Variants in TAFA4 observed in about 807,000 individuals in gnomAD.
The protein encoded by TAFA4 is TAFA chemokine like family member 4, also known as chemokine-like protein TAFA-4.
A neutral mutation model predicts 21.1 loss-of-function variants in TAFA4; 20 were observed. The ratio of observed to expected loss-of-function variants is 0.95; its 90% CI spans 0.67 to 1.38. TAFA4 has a LOEUF of 1.38. Ranked by LOEUF, TAFA4 falls within the 40% of genes most tolerant of loss-of-function variation. The pLI, the probability that TAFA4 is intolerant of heterozygous loss-of-function variation, is 0.00. For synonymous variants in TAFA4, 71 were observed against 67.4 expected, an observed-to-expected ratio of 1.05 and a Z score of -0.26; for missense variants, 211 against 180.9, an observed-to-expected ratio of 1.17 and a Z score of -0.95.
In TAFA4 at chr3:68,782,833, G is replaced by A. The variant is rs573130258; in HGVS notation, c.131-29815C>T. On this transcript the variant is annotated intron_variant, in intron 3 of 5. Transcript: ENST00000295569. ...CTGGAACTAGACAGTCATGATGGTT[G>A]TACAACATTGTGAATGTACTAAGTA... Among the ~76,000 whole-genome samples, 10 of 152,246 alleles carry A rather than the reference G, an allele frequency of 6.6e-5. No individual in the cohort carries two copies. The South Asian group carries it at 1.7e-3, about 25-fold the overall frequency.
At chr3:68,904,283 G>T (rs1387000859) in intron 1 of TAFA4, among the ~76,000 whole-genome samples, 1 of 152,154 alleles carries the variant, frequency 6.6e-6, no homozygotes, top group Admixed American at 6.5e-5. Context: ...CCCTGGGAAA[G>T]CAACAGCAAG....
At chr3:68,816,211 T>C (rs1049359694) in intron 3 of TAFA4, among the ~76,000 whole-genome samples, 2 of 152,158 alleles carry the variant, frequency 1.3e-5, no homozygotes, top group African/African-American at 4.8e-5. Context: ...ATATACCTAA[T>C]GTTAAGTGAC....
At chr3:68,756,626 C>A (rs1702664734) in intron 3 of TAFA4, among the ~76,000 whole-genome samples, 1 of 152,164 alleles carries the variant, frequency 6.6e-6, no homozygotes, top group South Asian at 2.1e-4. Context: ...AATTCAATTA[C>A]TGGTGAGAAC....
rs1353894381 is a variant in TAFA4, at chr3:68,824,364, T to C, written c.130+56366A>G. Among the ~76,000 whole-genome samples the C allele has an allele frequency of 2.6e-5, 4 of 152,188 alleles. No homozygotes were observed. The East Asian group carries it at 5.8e-4, about 22-fold the overall frequency. Reference sequence around the variant, plus strand: ...AAATTATTTCTTCGCCTTTCCCAGCTTCTGAAACAGGCTGCCCATGTTGCT... The same window carrying C: ...AAATTATTTCTTCGCCTTTCCCAGCCTCTGAAACAGGCTGCCCATGTTGCT... On this transcript the variant is annotated intron_variant, in intron 3 of 5. Transcript: ENST00000295569.
chr3:68,801,354 T>C (rs1225233285), intron 3 of TAFA4, among the ~76,000 whole-genome samples: 4 of 152,186 alleles, frequency 2.6e-5, no homozygotes, highest in Non-Finnish European at 4.4e-5. Context: ...AGAATCCCTG[T>C]GAATTTTGCT....
intron 3 of TAFA4, among the ~76,000 whole-genome samples, chr3:68,867,632 T>A (rs565358329): frequency 1.3e-5 from 2 of 152,020 alleles, no homozygotes; most frequent in African/African-American, 4.8e-5. Context: ...CAGCAACTTA[T>A]TAGGGATAGG....
chr3:68,848,584 A>G (rs1489192967), intron 3 of TAFA4, among the ~76,000 whole-genome samples: 2 of 152,198 alleles, frequency 1.3e-5, no homozygotes, highest in African/African-American at 2.4e-5. Flanking sequence ...CAATGATACC[A>G]TGCACTTGGA....
At chr3:68,776,977 C>T (rs1338418384) in intron 3 of TAFA4, among the ~76,000 whole-genome samples, 1 of 151,818 alleles carries the variant, frequency 6.6e-6, no homozygotes, top group African/African-American at 2.4e-5. Flanking sequence ...AAAATGAAAA[C>T]CTTCTTGGAC....
chr3:68,750,490 CAT>C (rs1702540247), intron 4 of TAFA4, among the ~76,000 whole-genome samples: 1 of 152,190 alleles, frequency 6.6e-6, no homozygotes, highest in Non-Finnish European at 1.5e-5. Flanking sequence ...AACACACACT[CAT>C]ATTGAAATCT....
Position 68,863,129 on chromosome 3 carries a change from C to G in TAFA4, c.130+17601G>C, listed in dbSNP as rs189618240. On this transcript the variant is annotated intron_variant, in intron 3 of 5. Coordinates refer to ENST00000295569, the MANE Select transcript of TAFA4 (RefSeq NM_182522.5). ...GGTACGTGCCCATAGTCCCAGCTAGCTACACAACAGGCTCAGGTGGGAGGA... is the reference window on the plus strand; with the variant it reads ...GGTACGTGCCCATAGTCCCAGCTAGGTACACAACAGGCTCAGGTGGGAGGA... Among the ~76,000 whole-genome samples, 529 of 151,200 alleles carry G rather than the reference C, an allele frequency of 3.5e-3. 3 individuals are homozygous for G. Among genetic ancestry groups the G allele is most frequent in the African/African-American group, 0.012 (512 of 41,174 alleles).
At position 68,873,455 on chromosome 3, in the gene TAFA4, T is replaced by C. The variant is rs75424845; in HGVS notation, c.130+7275A>G. Among the ~76,000 whole-genome samples the C allele has an allele frequency of 7.9e-3, 1,193 of 151,942 alleles. 36 individuals are homozygous for C. In the East Asian group the frequency reaches 0.079, roughly 10 times the overall value. ...AGATGGTATCCTGAAAGCAACTAAC[T>C]AGACAAGTAATTCATATTAATAGCT... On this transcript the variant is annotated intron_variant, in intron 3 of 5. Coordinates refer to ENST00000295569, the MANE Select transcript of TAFA4 (RefSeq NM_182522.5).
At chr3:68,844,222 G>C (rs920172570) in intron 3 of TAFA4, among the ~76,000 whole-genome samples, 1 of 152,066 alleles carries the variant, frequency 6.6e-6, no homozygotes, top group East Asian at 1.9e-4. Context: ...TCAGGGATTC[G>C]ACTTCTTCCT....
intron 1 of TAFA4, among the ~76,000 whole-genome samples, chr3:68,930,951 C>T (rs1575679183): frequency 6.6e-6 from 1 of 152,208 alleles, no homozygotes; most frequent in Non-Finnish European, 1.5e-5. Flanking sequence ...CTGAACTGGG[C>T]TCTGACACAA....
chr3:68,879,143 G>A lies in TAFA4; in HGVS notation c.130+1587C>T, dbSNP rs2089586871. Among the ~76,000 whole-genome samples, 3 of 152,098 alleles carry A rather than the reference G, an allele frequency of 2.0e-5. No individual in the cohort carries two copies. The South Asian group carries it at 6.2e-4, about 32-fold the overall frequency. On this transcript the variant is annotated intron_variant, in intron 3 of 5. Transcript: ENST00000295569. ...CCAGCACTAACCATGAAGCCCATGG[G>A]ACAGTGCCAGGAGCCTCTCTGGACA...
At chr3:68,788,033 G>C (rs1249135122) in intron 3 of TAFA4, among the ~76,000 whole-genome samples, 1 of 152,236 alleles carries the variant, frequency 6.6e-6, no homozygotes, top group East Asian at 1.9e-4. Context: ...TCTGTAAGAG[G>C]TAAGACTAGT....
intron 3 of TAFA4, among the ~76,000 whole-genome samples, chr3:68,798,868 A>G (rs1703510165): frequency 6.6e-6 from 1 of 152,230 alleles, no homozygotes; most frequent in African/African-American, 2.4e-5. Flanking sequence ...AAAAGGAACA[A>G]GAAAAAATAA....
intron 3 of TAFA4, among the ~76,000 whole-genome samples, chr3:68,815,233 C>A (rs1703944235): frequency 6.6e-6 from 1 of 152,140 alleles, no homozygotes; most frequent in Non-Finnish European, 1.5e-5. Flanking sequence ...CTAGGCAATA[C>A]CATTCAGGAC....
intron 3 of TAFA4, among the ~76,000 whole-genome samples, chr3:68,843,517 C>A (rs1704716469): frequency 6.6e-6 from 1 of 152,212 alleles, no homozygotes; most frequent in Non-Finnish European, 1.5e-5. Context: ...ATTTCTTTCT[C>A]TTGCCTGATT....
chr3:68,805,161 C>A (rs1703664202), intron 3 of TAFA4, among the ~76,000 whole-genome samples: 1 of 152,188 alleles, frequency 6.6e-6, no homozygotes, highest in Non-Finnish European at 1.5e-5. Context: ...ACAGACACTT[C>A]TCAAAAGAAG....
Sources: allele counts gnomAD v4.1 joint callset (sites outside exome capture counted in the v4.1 genomes callset), GRCh38; gene constraint gnomAD v4.1.1; transcripts MANE v1.5; gene names NCBI Gene and HGNC (gene_info 2026-07-23, HGNC 2026-07-21).